Variants in EFCAB13 observed in about 807,000 individuals in gnomAD.
The protein encoded by EFCAB13 is EF-hand calcium binding domain 13.
A neutral mutation model predicts 110.2 loss-of-function variants in EFCAB13; 91 were observed. That is an observed-to-expected ratio of 0.83 (90% CI 0.70 to 0.98). EFCAB13 has a LOEUF of 0.98. EFCAB13 is among the 50% of genes least tolerant of loss of function. The pLI is 0.00. For missense variants in EFCAB13, 968 were observed against 1,119.4 expected (o/e 0.86, Z 1.93); for synonymous variants, 323 against 369.9 (o/e 0.87, Z 1.45).
rs115547871 is a variant in EFCAB13 at position 47,367,531 on chromosome 17, G to A, written c.806-2906G>A. Among the ~76,000 whole-genome samples, 1,274 of 152,240 alleles carry A rather than the reference G, an allele frequency of 8.4e-3. 17 individuals carry two copies. The highest frequency in any genetic ancestry group is 0.029 in the African/African-American group (1,214 of 41,550). On this transcript the variant is annotated intron_variant, in intron 10 of 24. Coordinates refer to ENST00000331493, the MANE Select transcript of EFCAB13 (RefSeq NM_152347.5). Reference sequence around the variant, plus strand: ...AGGAGCCGGGTGGAGCTGTGGTCCCGCTGAGGAAGCTTTGTAGATACATGC... The same window carrying A: ...AGGAGCCGGGTGGAGCTGTGGTCCCACTGAGGAAGCTTTGTAGATACATGC...
intron 10 of EFCAB13, among the ~76,000 whole-genome samples, chr17:47,368,164 T>G (rs1460540281): frequency 6.6e-6 from 1 of 152,194 alleles, no homozygotes; most frequent in Non-Finnish European, 1.5e-5. Flanking sequence ...AATATAATCT[T>G]TTTTTCAGTA....
intron 11 of EFCAB13, among the ~76,000 whole-genome samples, chr17:47,370,738 GTTTTT>G (rs764924546): frequency 2.4e-5 from 3 of 127,202 alleles, no homozygotes; most frequent in Admixed American, 8.1e-5. Flanking sequence ...GTTGTTGTTT[GTTTTT>G]TTTTTTTTTT....
chr17:47,379,346 GATACTTA>G, intron 14 of EFCAB13, 93 bp downstream of exon 14: 1 of 960,284 alleles, frequency 1.0e-6, no homozygotes, highest in Middle Eastern at 2.1e-4. Flanking sequence ...CTTTTGGATG[GATACTTA>G]ATAGTCCTGT....
Position 47,374,767 on chromosome 17 carries a change from T to A in EFCAB13, c.1173T>A (p.Phe391Leu). Residue 391 changes from phenylalanine to leucine, a missense_variant, in exon 12 of 25, where the codon TTT (phenylalanine) becomes TTA (leucine). Coordinates refer to ENST00000331493, the MANE Select transcript of EFCAB13 (RefSeq NM_152347.5). ...CATATTCAAAGAATGGCATAAACTTTAAAAAACATTCAGAGAAGGGTGAAA... is the reference window on the plus strand; with the variant it reads ...CATATTCAAAGAATGGCATAAACTTAAAAAAACATTCAGAGAAGGGTGAAA... Reference protein sequence around the residue: ...QEPYSKNGINFKKHSEKGEIH... With the variant: ...QEPYSKNGINLKKHSEKGEIH... 1 of 1,613,958 alleles carries A rather than the reference T, an allele frequency of 6.2e-7. No individual in the cohort carries two copies. Among genetic ancestry groups the A allele is most frequent in the Non-Finnish European group, 8.5e-7 (1 of 1,179,948 alleles).
chr17:47,430,056 T>C (rs1224475252), intron 24 of EFCAB13, 95 bp downstream of exon 24: 7 of 1,408,854 alleles, frequency 5.0e-6, no homozygotes, highest in South Asian at 1.8e-5. Context: ...GAGGGTATCC[T>C]GTGGAAGCTG....
At chr17:47,393,232 A>T (rs2065717822) in intron 15 of EFCAB13, among the ~76,000 whole-genome samples, 1 of 152,148 alleles carries the variant, frequency 6.6e-6, no homozygotes, top group Non-Finnish European at 1.5e-5. Context: ...TTTTATATCC[A>T]CTAAAATTGG....
chr17:47,395,500 A>G lies in EFCAB13; in HGVS notation c.1802-334A>G, dbSNP rs544621452. On this transcript the variant is annotated intron_variant, in intron 16 of 24. Transcript: ENST00000331493. ...AGGAGAATTTTAGGGAGAGATATAG[A>G]ACAAAAGCTACTTAATTGTATTATC... 1.4e-4 allele frequency among the ~76,000 whole-genome samples: 21 copies of G among 152,320 alleles called. No homozygotes were observed. In the South Asian group the frequency reaches 4.1e-3, roughly 30 times the overall value.
At chr17:47,439,818 A>C (rs1447494632) in intron 24 of EFCAB13, among the ~76,000 whole-genome samples, 1 of 152,012 alleles carries the variant, frequency 6.6e-6, no homozygotes, top group African/African-American at 2.4e-5. Flanking sequence ...CTGTTTAAGT[A>C]CTATGGCCAG....
chr17:47,347,584 T>A (rs2065424640), intron 8 of EFCAB13, among the ~76,000 whole-genome samples: 1 of 152,148 alleles, frequency 6.6e-6, no homozygotes, highest in African/African-American at 2.4e-5. Context: ...CTATGTGCCC[T>A]TGTGTGACTT....
At chr17:47,424,786 G>A (rs1283257221) in intron 23 of EFCAB13, among the ~76,000 whole-genome samples, 1 of 148,208 alleles carries the variant, frequency 6.7e-6, no homozygotes, top group Non-Finnish European at 1.5e-5. Context: ...CACAAGAACC[G>A]TTTCTAAAGT....
chr17:47,388,307 TC>T (rs1259551239), intron 14 of EFCAB13, among the ~76,000 whole-genome samples: 5 of 152,202 alleles, frequency 3.3e-5, no homozygotes, highest in Admixed American at 6.5e-5. Context: ...GGGGGACTTT[TC>T]CTCATGGTAC....
In EFCAB13 at chr17:47,402,321, T is replaced by G. The variant is rs144400242; in HGVS notation, c.2017+118T>G. On this transcript the variant is annotated intron_variant, in intron 18 of 24. Coordinates refer to ENST00000331493, the MANE Select transcript of EFCAB13 (RefSeq NM_152347.5). ...TCTGGTTAACATGTTGGCATTGATA[T>G]GTTTATACGCAGATGAAACTTGGTT... 4,267 of 929,140 alleles carry G rather than the reference T, an allele frequency of 4.6e-3. 121 individuals carry two copies. The East Asian group carries it at 0.057, about 12-fold the overall frequency. 57.6% of individuals were successfully genotyped at this position (929,140 alleles called of 1,614,324 possible). A position where few individuals can be genotyped will look rare whatever the true frequency, so the allele number is the denominator to read the frequency against.
chr17:47,344,040 G>A, intron 6 of EFCAB13, 122 bp from the exon 7 acceptor site: 1 of 1,146,648 alleles, frequency 8.7e-7, no homozygotes, highest in Non-Finnish European at 1.2e-6. Context: ...TTTTACACCA[G>A]AAGCATAATT....
intron 17 of EFCAB13, among the ~76,000 whole-genome samples, chr17:47,397,611 G>C (rs372343405): frequency 1.3e-5 from 2 of 151,052 alleles, no homozygotes; most frequent in African/African-American, 2.4e-5. Context: ...AGTGAGGAGC[G>C]TCTCTGCCCG....
intron 14 of EFCAB13, among the ~76,000 whole-genome samples, chr17:47,385,918 T>C (rs1315548757): frequency 6.6e-6 from 1 of 152,144 alleles, no homozygotes; most frequent in Non-Finnish European, 1.5e-5. Flanking sequence ...TTGCTGGAGG[T>C]CCATTCCAGA....
chr17:47,364,620 T>A (rs969051611), intron 10 of EFCAB13, among the ~76,000 whole-genome samples: 1 of 152,194 alleles, frequency 6.6e-6, no homozygotes, highest in African/African-American at 2.4e-5. Context: ...CTCCCTATCT[T>A]AGTCCAAGTT....
At chr17:47,409,616 C>A in intron 20 of EFCAB13, 31 bp from the exon 21 acceptor site, 1 of 1,567,584 alleles carries the variant, frequency 6.4e-7, no homozygotes, top group South Asian at 1.1e-5. Context: ...TGCCATTCCT[C>A]ATTGTGTAAT....
intron 19 of EFCAB13, 78 bp from the exon 20 acceptor site, chr17:47,404,484 A>T: frequency 5.7e-6 from 6 of 1,052,292 alleles, no homozygotes; most frequent in Non-Finnish European, 8.6e-6. Flanking sequence ...TATAAGTCAT[A>T]TGCTGATTTT....
intron 8 of EFCAB13, among the ~76,000 whole-genome samples, 172 bp from the exon 9 acceptor site, chr17:47,347,636 G>T (rs895179760): frequency 6.6e-6 from 1 of 152,126 alleles, no homozygotes; most frequent in East Asian, 1.9e-4. Flanking sequence ...CAGGTTGAAA[G>T]ATTTGAATAT....
Sources: allele counts gnomAD v4.1 joint callset (sites outside exome capture counted in the v4.1 genomes callset), GRCh38; gene constraint gnomAD v4.1.1; transcripts MANE v1.5; gene names NCBI Gene and HGNC (gene_info 2026-07-23, HGNC 2026-07-21).